ZC2HC1B: variants seen among roughly 807,000 people sequenced by gnomAD.
The protein encoded by ZC2HC1B is zinc finger C2HC-type containing 1B.
Under a neutral mutation model 31.0 loss-of-function variants are expected in ZC2HC1B, and 36 were observed. That is an observed-to-expected ratio of 1.16 (90% CI 0.89 to 1.54). ZC2HC1B has a LOEUF of 1.54. ZC2HC1B is among the 40% of genes most tolerant of loss of function. ZC2HC1B has a pLI of 0.00. For missense variants in ZC2HC1B, 260 were observed against 268.6 expected (o/e 0.97, Z 0.22); for synonymous variants, 73 against 88.0 (o/e 0.83, Z 0.95).
rs558129796 is a variant in ZC2HC1B at position 143,909,058 on chromosome 6, A to G, written c.598+5906A>G. 5.9e-5 allele frequency among the ~76,000 whole-genome samples: 9 copies of G among 152,270 alleles called. No individual in the cohort carries two copies. In the South Asian group the frequency reaches 1.2e-3, roughly 21 times the overall value. On this transcript the variant is annotated intron_variant, in intron 6 of 7. Transcript: ENST00000237275. ...TTCATATCTTTAGATCTGTTTATGT[A>G]ATGTATCACATTTATTGATTTGTGT... is the stretch of plus-strand genomic sequence containing the variant.
In ZC2HC1B at chr6:143,903,334, A is replaced by G. The variant is rs145129690; in HGVS notation, c.598+182A>G. Among the ~76,000 whole-genome samples the G allele has an allele frequency of 0.015, 2,342 of 152,344 alleles. 21 individuals are homozygous for G. The highest frequency in any genetic ancestry group is 0.024 in the Non-Finnish European group (1,650 of 68,036). ...AAAAGGGAATATTTCTTAATTTATC[A>G]GGATTACACAACTTTCACAATGTAC... On this transcript the variant is annotated intron_variant, in intron 6 of 7. Coordinates refer to ENST00000237275, the MANE Select transcript of ZC2HC1B (RefSeq NM_001013623.3). This position sits in a 1 kb window ranked among gnomAD's most constrained non-coding sequence, Gnocchi z 4.3.
intron 4 of ZC2HC1B, among the ~76,000 whole-genome samples, chr6:143,893,609 G>C (rs1777627350): frequency 6.6e-6 from 1 of 152,224 alleles, no homozygotes; most frequent in Non-Finnish European, 1.5e-5. Flanking sequence ...TGTTTGCTAT[G>C]ATGTGGACCA....
rs1777532037 is a variant in ZC2HC1B at position 143,886,591 on chromosome 6, G to C, written c.211-92G>C. 7.9e-7 allele frequency: 1 copy of C among 1,257,988 alleles called. No individual in the cohort carries two copies. The highest frequency in any genetic ancestry group is 1.6e-5 in the African/African-American group (1 of 63,644). 77.9% of individuals were successfully genotyped at this position (1,257,988 alleles called of 1,614,324 possible). ...CCTTTTCCCCAATTTTCACAGTTCT[G>C]TTTCCTGTGAATTCAAATTCCAGCT... On this transcript the variant is annotated intron_variant, in intron 3 of 7. Transcript: ENST00000237275. The surrounding 1 kb of genome is among the most constrained non-coding windows in gnomAD (Gnocchi z 4.2).
rs1324255070 is a variant in ZC2HC1B at position 143,923,394 on chromosome 6, T to C, written c.599-14255T>C. ...TGGTTTGCAAATATTTTCTCCTATT[T>C]AGCATGTTGTCCTTCTCACTCTGTT... On this transcript the variant is annotated intron_variant, in intron 6 of 7. Transcript: ENST00000237275. The surrounding 1 kb of genome is among the most constrained non-coding windows in gnomAD (Gnocchi z 4.8). Among the ~76,000 whole-genome samples, 1 of 152,164 alleles carries C rather than the reference T, an allele frequency of 6.6e-6. No homozygotes were observed. Among genetic ancestry groups the C allele is most frequent in the Non-Finnish European group, 1.5e-5 (1 of 67,992 alleles).
rs377578324 is a variant in ZC2HC1B, at chr6:143,873,920, A to G, written c.28+9353A>G. 8.5e-5 allele frequency among the ~76,000 whole-genome samples: 13 copies of G among 152,350 alleles called. No individual in the cohort carries two copies. In the East Asian group the frequency reaches 1.5e-3, roughly 18 times the overall value. On this transcript the variant is annotated intron_variant, in intron 1 of 7. Transcript: ENST00000237275. ...GGGGATTAACATTAGACTCCTTGCT[A>G]CTTATGCAAATTTCTGCAGCTGGCT...
chr6:143,876,858 T>G (rs2128493447), intron 1 of ZC2HC1B, among the ~76,000 whole-genome samples: 1 of 150,478 alleles, frequency 6.6e-6, no homozygotes, highest in South Asian at 2.2e-4. Context: ...TGCTTTATAT[T>G]CTAGCCTTGC....
Position 143,887,414 on chromosome 6 carries a change from T to C in ZC2HC1B, c.349+593T>C, listed in dbSNP as rs1777543005. Among the ~76,000 whole-genome samples, 1 of 152,222 alleles carries C rather than the reference T, an allele frequency of 6.6e-6. No individual in the cohort carries two copies. The highest frequency in any genetic ancestry group is 6.5e-5 in the Admixed American group (1 of 15,274). ...TAAGTTCCAAGCATCATTAATACTT[T>C]AGCTATTTTAGTATGCGTCTCTTAA... On this transcript the variant is annotated intron_variant, in intron 4 of 7. Transcript: ENST00000237275. The surrounding 1 kb of genome is among the most constrained non-coding windows in gnomAD (Gnocchi z 5.1).
At position 143,886,316 on chromosome 6, in the gene ZC2HC1B, A is replaced by G. The variant is rs1777530075; in HGVS notation, c.210+165A>G. Among the ~76,000 whole-genome samples the G allele has an allele frequency of 6.6e-6, 1 of 152,154 alleles. No individual in the cohort carries two copies. The highest frequency in any genetic ancestry group is 2.4e-5 in the African/African-American group (1 of 41,440). On this transcript the variant is annotated intron_variant, in intron 3 of 7. Transcript: ENST00000237275. This position sits in a 1 kb window ranked among gnomAD's most constrained non-coding sequence, Gnocchi z 4.2. ...TAATCTTGCTCACTTAGATTTCCAG[A>G]TATACTTCAGATATTTTCCAGATGT... is the stretch of plus-strand genomic sequence containing the variant.
chr6:143,886,822 G>A lies in ZC2HC1B; in HGVS notation c.349+1G>A, dbSNP rs1297804813. 4 of 1,519,246 alleles carry A rather than the reference G, an allele frequency of 2.6e-6. No homozygotes were observed. Among genetic ancestry groups the A allele is most frequent in the Non-Finnish European group, 3.5e-6 (4 of 1,133,208 alleles). 94.1% of individuals were successfully genotyped at this position (1,519,246 alleles called of 1,614,324 possible). Reference sequence around the variant, plus strand: ...CCACCCCCTCCATCCTTGAACCCAGGTGTGTAGACATTTTGGGTTGCTTTT... The same window carrying A: ...CCACCCCCTCCATCCTTGAACCCAGATGTGTAGACATTTTGGGTTGCTTTT... On this transcript the variant is annotated splice_donor_variant, in intron 4 of 7. Coordinates refer to ENST00000237275, the MANE Select transcript of ZC2HC1B (RefSeq NM_001013623.3). LOFTEE classifies it high-confidence loss of function. The surrounding 1 kb of genome is among the most constrained non-coding windows in gnomAD (Gnocchi z 4.2).
At chr6:143,910,599 T>G (rs1777845100) in intron 6 of ZC2HC1B, among the ~76,000 whole-genome samples, 1 of 152,366 alleles carries the variant, frequency 6.6e-6, no homozygotes, top group South Asian at 2.1e-4. Context: ...TTTGCAAGTC[T>G]AAGTCTCTGA....
intron 1 of ZC2HC1B, among the ~76,000 whole-genome samples, chr6:143,876,974 C>T (rs1176147642): frequency 2.0e-5 from 3 of 150,622 alleles, no homozygotes; most frequent in Admixed American, 2.0e-4. Context: ...ACAGACACAC[C>T]CACGATGAAT....
chr6:143,871,358 G>A lies in ZC2HC1B; in HGVS notation c.28+6791G>A, dbSNP rs1357404005. Among the ~76,000 whole-genome samples, 1 of 152,346 alleles carries A rather than the reference G, an allele frequency of 6.6e-6. No individual in the cohort carries two copies. The highest frequency in any genetic ancestry group is 1.5e-5 in the Non-Finnish European group (1 of 68,038). On this transcript the variant is annotated intron_variant, in intron 1 of 7. Transcript: ENST00000237275. This position sits in a 1 kb window ranked among gnomAD's most constrained non-coding sequence, Gnocchi z 4.1. ...GCCAAACAGTTAATATACCTCTGAG[G>A]TAGAACAGTAAAGGTATATTGCTGG...
At chr6:143,866,121 A>G (rs1371359477) in intron 1 of ZC2HC1B, among the ~76,000 whole-genome samples, 20 of 152,130 alleles carry the variant, frequency 1.3e-4, no homozygotes, top group Non-Finnish European at 2.6e-4. Flanking sequence ...CGGCCCACCT[A>G]TTTTGTTTAA....
chr6:143,927,604 T>A (rs1220296237), intron 6 of ZC2HC1B, among the ~76,000 whole-genome samples: 1 of 152,230 alleles, frequency 6.6e-6, no homozygotes, highest in Admixed American at 6.5e-5. Context: ...GTGATAAACA[T>A]GAGTGCATGT....
Position 143,917,322 on chromosome 6 carries a change from TTATC to T in ZC2HC1B, c.598+14171_598+14174del, listed in dbSNP as rs1777931602. 6.6e-6 allele frequency among the ~76,000 whole-genome samples: 1 copy of T among 152,246 alleles called. No individual in the cohort carries two copies. The highest frequency in any genetic ancestry group is 2.1e-4 in the South Asian group (1 of 4,836). ...AAATTGCCCAGTCTTGGATATGTCT[TTATC>T]AGCAGCATGAAAACAGACTAATACT... On this transcript the variant is annotated intron_variant, in intron 6 of 7. Coordinates refer to ENST00000237275, the MANE Select transcript of ZC2HC1B (RefSeq NM_001013623.3). This position sits in a 1 kb window ranked among gnomAD's most constrained non-coding sequence, Gnocchi z 4.1.
Position 143,872,589 on chromosome 6 carries a change from T to C in ZC2HC1B, c.28+8022T>C, listed in dbSNP as rs905698448. Among the ~76,000 whole-genome samples the C allele has an allele frequency of 7.9e-5, 12 of 152,182 alleles. No homozygotes were observed. The highest frequency in any genetic ancestry group is 2.7e-4 in the African/African-American group (11 of 41,436). On this transcript the variant is annotated intron_variant, in intron 1 of 7. Coordinates refer to ENST00000237275, the MANE Select transcript of ZC2HC1B (RefSeq NM_001013623.3). This position sits in a 1 kb window ranked among gnomAD's most constrained non-coding sequence, Gnocchi z 5.5. ...TATTTTCATGCTGCTGATAAAGACA[T>C]ACCTGAGACTGGGAAGAAAAAGAGG...
chr6:143,886,677 T>C lies in ZC2HC1B; in HGVS notation c.211-6T>C. 1 of 1,523,016 alleles carries C rather than the reference T, an allele frequency of 6.6e-7. No individual in the cohort carries two copies. The highest frequency in any genetic ancestry group is 8.8e-7 in the Non-Finnish European group (1 of 1,136,032). The allele number at this position is 1,523,016 out of a possible 1,614,324, so 94.3% of individuals were successfully genotyped here. A position where few individuals can be genotyped will look rare whatever the true frequency, so the allele number is the denominator to read the frequency against. On this transcript the variant is annotated splice_polypyrimidine_tract_variant and splice_region_variant and intron_variant, in intron 3 of 7. Transcript: ENST00000237275. The surrounding 1 kb of genome is among the most constrained non-coding windows in gnomAD (Gnocchi z 4.2). ...GGGTATTATTTGTTGGTTTTATTTT[T>C]TACAGTCTCCACCTGTGAGGAAGTC... is the stretch of plus-strand genomic sequence containing the variant.
chr6:143,911,735 T>C lies in ZC2HC1B; in HGVS notation c.598+8583T>C, dbSNP rs1278123975. Among the ~76,000 whole-genome samples the C allele has an allele frequency of 2.0e-5, 3 of 152,126 alleles. No homozygotes were observed. The highest frequency in any genetic ancestry group is 3.2e-3 in the Middle Eastern group (1 of 316). On this transcript the variant is annotated intron_variant, in intron 6 of 7. Transcript: ENST00000237275. The surrounding 1 kb of genome is among the most constrained non-coding windows in gnomAD (Gnocchi z 4.5). ...TCATTTCAATCTTGAAGAATCTGAT[T>C]ATTATGTGTCTTGGGGATGATCTTC...
In ZC2HC1B at chr6:143,868,668, A is replaced by C. The variant is rs1310537261; in HGVS notation, c.28+4101A>C. ...AGGTTGACACTCAGTATTAACCATC[A>C]CAAGTCTACCTCTTGTCAACTTCAA... On this transcript the variant is annotated intron_variant, in intron 1 of 7. Coordinates refer to ENST00000237275, the MANE Select transcript of ZC2HC1B (RefSeq NM_001013623.3). The surrounding 1 kb of genome is among the most constrained non-coding windows in gnomAD (Gnocchi z 4.2). 1.3e-5 allele frequency among the ~76,000 whole-genome samples: 2 copies of C among 152,138 alleles called. No homozygotes were observed. The highest frequency in any genetic ancestry group is 1.3e-4 in the Admixed American group (2 of 15,264).
Sources: allele counts gnomAD v4.1 joint callset (sites outside exome capture counted in the v4.1 genomes callset), GRCh38; gene constraint gnomAD v4.1.1; non-coding constraint Gnocchi (gnomAD v3.1); transcripts MANE v1.5; gene names NCBI Gene and HGNC (gene_info 2026-07-23, HGNC 2026-07-21).